Variants in KLHL1 observed in about 807,000 individuals in gnomAD.
The protein encoded by KLHL1 is kelch-like protein 1.
In KLHL1, 47 loss-of-function variants were observed where a neutral mutation model predicts 77.7. The ratio of observed to expected loss-of-function variants is 0.60; its 90% CI spans 0.48 to 0.77. KLHL1 has a LOEUF of 0.77. Ranked by LOEUF, KLHL1 falls within the 30% of genes least tolerant of loss-of-function variation. KLHL1 has a pLI of 0.00. For missense variants in KLHL1, 925 were observed against 910.8 expected (o/e 1.02, Z -0.20); for synonymous variants, 360 against 325.2 (o/e 1.11, Z -1.15).
intron 1 of KLHL1, among the ~76,000 whole-genome samples, chr13:70,100,598 GC>G (rs1360916662): frequency 6.6e-6 from 1 of 152,142 alleles, no homozygotes; most frequent in African/African-American, 2.4e-5. Context: ...CTCCCAAAGT[GC>G]TGGAATTACA....
intron 7 of KLHL1, among the ~76,000 whole-genome samples, chr13:69,777,855 C>T (rs887368321): frequency 6.6e-6 from 1 of 152,006 alleles, no homozygotes; most frequent in Non-Finnish European, 1.5e-5. Context: ...AATACAATAC[C>T]TTACTTATCA....
intron 2 of KLHL1, among the ~76,000 whole-genome samples, chr13:69,969,702 A>AC (rs1384938883): frequency 4.6e-5 from 7 of 152,190 alleles, no homozygotes; most frequent in Admixed American, 4.6e-4. Flanking sequence ...CTCATTAAAA[A>AC]AAACTGCAGA....
chr13:69,951,039 G>T (rs1265770717), intron 3 of KLHL1, among the ~76,000 whole-genome samples: 1 of 151,504 alleles, frequency 6.6e-6, no homozygotes, highest in East Asian at 1.9e-4. Flanking sequence ...TGTGTTTATG[G>T]TGAGGAAAAT....
At chr13:69,910,528 G>A in intron 4 of KLHL1, among the ~76,000 whole-genome samples, 1 of 151,910 alleles carries the variant, frequency 6.6e-6, no homozygotes, top group East Asian at 1.9e-4. Context: ...TCGGGTATCG[G>A]ATGGCTGTGG....
chr13:69,769,020 T>G (rs1875440980), intron 7 of KLHL1, among the ~76,000 whole-genome samples: 1 of 152,198 alleles, frequency 6.6e-6, no homozygotes, highest in South Asian at 2.1e-4. Flanking sequence ...TGACTAAGTC[T>G]CATTCTAGAA....
chr13:70,088,755 T>C (rs1887604223), intron 1 of KLHL1, among the ~76,000 whole-genome samples: 1 of 152,130 alleles, frequency 6.6e-6, no homozygotes, highest in South Asian at 2.1e-4. Flanking sequence ...CATTAAACTA[T>C]ATTAAAATTT....
chr13:69,855,475 T>A (rs1049842026), intron 5 of KLHL1, among the ~76,000 whole-genome samples: 12 of 113,678 alleles, frequency 1.1e-4, no homozygotes, highest in African/African-American at 3.7e-4. Flanking sequence ...CCACCCAAAA[T>A]CTCATCTTGA....
At chr13:69,917,741 T>A (rs1882493858) in intron 4 of KLHL1, among the ~76,000 whole-genome samples, 1 of 151,940 alleles carries the variant, frequency 6.6e-6, no homozygotes, top group Admixed American at 6.6e-5. Flanking sequence ...TTTGCAAGGT[T>A]TTTTTTGGTT....
chr13:70,100,697 T>C (rs1401437474), intron 1 of KLHL1, among the ~76,000 whole-genome samples: 1 of 152,220 alleles, frequency 6.6e-6, no homozygotes, highest in Non-Finnish European at 1.5e-5. Context: ...GCTCAGATTA[T>C]CTGTATCTTC....
At chr13:69,802,802 T>G (rs1008197312) in intron 6 of KLHL1, 4 of 151,788 alleles carry the variant, frequency 2.6e-5, no homozygotes, top group African/African-American at 9.7e-5. Context: ...GAGACAGGAG[T>G]CTTGCCGATG....
intron 4 of KLHL1, among the ~76,000 whole-genome samples, chr13:69,886,533 T>C (rs551779408): frequency 9.2e-4 from 139 of 151,884 alleles, no homozygotes; most frequent in South Asian, 1.7e-3. Context: ...ATTAGAAATA[T>C]AAATTTTTAT....
chr13:69,891,224 C>T (rs899752408), intron 4 of KLHL1, among the ~76,000 whole-genome samples: 5 of 152,066 alleles, frequency 3.3e-5, no homozygotes, highest in African/African-American at 1.2e-4. Flanking sequence ...AAGTGAATGG[C>T]TGCCAGTTTT....
At chr13:69,740,667 G>GA (rs200329193) in intron 7 of KLHL1, 111 bp from the exon 8 acceptor site, 22 of 681,124 alleles carry the variant, frequency 3.2e-5, no homozygotes, top group Admixed American at 6.8e-5. Flanking sequence ...ATAATAAAAT[G>GA]AAAAAAAATT....
intron 1 of KLHL1, among the ~76,000 whole-genome samples, chr13:69,977,641 G>A (rs1411474119): frequency 6.6e-6 from 1 of 152,062 alleles, no homozygotes; most frequent in East Asian, 1.9e-4. Context: ...AGAGATTCCA[G>A]TGAAATTGGA....
In KLHL1 at chr13:69,797,662, CAAA is replaced by C. The variant is rs377653781; in HGVS notation, c.1415-703_1415-701del. Among the ~76,000 whole-genome samples the C allele has an allele frequency of 1.2e-3, 149 of 119,844 alleles. 2 individuals are homozygous for C. The highest frequency in any genetic ancestry group is 9.2e-3 in the South Asian group (36 of 3,904). 78.6% of individuals were successfully genotyped at this position (119,844 alleles called of 152,430 possible). A position where few individuals can be genotyped will look rare whatever the true frequency, so the allele number is the denominator to read the frequency against. On this transcript the variant is annotated intron_variant, in intron 6 of 10. Transcript: ENST00000377844. Reference sequence around the variant, plus strand: ...TGAAACCCCGTCTCTACTAAAAATACAAAAAAAAAAAAAAAAATTAGCTGGGCA... The same window carrying C: ...TGAAACCCCGTCTCTACTAAAAATACAAAAAAAAAAAAAATTAGCTGGGCA...
At chr13:69,844,262 G>T in intron 5 of KLHL1, among the ~76,000 whole-genome samples, 1 of 150,858 alleles carries the variant, frequency 6.6e-6, no homozygotes, top group South Asian at 2.1e-4. Context: ...AAATAAATAA[G>T]AATAAAATAA....
chr13:69,827,569 A>G (rs1053721499), intron 6 of KLHL1, among the ~76,000 whole-genome samples: 3 of 151,874 alleles, frequency 2.0e-5, no homozygotes, highest in Non-Finnish European at 4.4e-5. Context: ...GTCTCTACAG[A>G]AAATACGAAA....
At chr13:69,796,600 A>G in intron 7 of KLHL1, 138 bp downstream of exon 7, 2 of 677,244 alleles carry the variant, frequency 3.0e-6, no homozygotes, top group South Asian at 2.1e-5. Flanking sequence ...AAATTTTTCT[A>G]TGTTAATTAC....
intron 1 of KLHL1, among the ~76,000 whole-genome samples, chr13:70,090,934 T>C (rs1288808217): frequency 1.3e-5 from 2 of 152,130 alleles, no homozygotes; most frequent in Non-Finnish European, 2.9e-5. Flanking sequence ...TTATGTGTAA[T>C]CACAGTCCTC....
Sources: allele counts gnomAD v4.1 joint callset (sites outside exome capture counted in the v4.1 genomes callset), GRCh38; gene constraint gnomAD v4.1.1; transcripts MANE v1.5; gene names NCBI Gene and HGNC (gene_info 2026-07-23, HGNC 2026-07-21).